GALNT13: variants seen among roughly 807,000 people sequenced by gnomAD.
GALNT13 encodes polypeptide N-acetylgalactosaminyltransferase 13.
GALNT13 carries 28 observed loss-of-function variants against 64.2 expected under a neutral mutation model. The ratio of observed to expected loss-of-function variants is 0.44; its 90% CI spans 0.32 to 0.60. The LOEUF (loss-of-function observed/expected upper bound fraction) is 0.60, where lower values mean the gene tolerates loss of function less well. GALNT13 is among the 20% of genes least tolerant of loss of function. The probability of loss-of-function intolerance (pLI) is 0.05; values close to 1 mark genes in which losing one functional copy is unlikely to be tolerated. For synonymous variants in GALNT13, 214 were observed against 224.6 expected, an observed-to-expected ratio of 0.95 and a Z score of 0.42; for missense variants, 577 against 669.8, an observed-to-expected ratio of 0.86 and a Z score of 1.53.
At chr2:153,375,882 C>G in the GALNT13 span, among the ~76,000 whole-genome samples, 1 of 152,112 alleles carries the variant, frequency 6.6e-6, no homozygotes. Context: ...GTACAAGAAG[C>G]GTGGTGCCAG....
chr2:154,243,618 C>G (rs1394252225), intron 6 of GALNT13, among the ~76,000 whole-genome samples: 1 of 152,160 alleles, frequency 6.6e-6, no homozygotes, highest in Non-Finnish European at 1.5e-5. Flanking sequence ...TACATACCTG[C>G]AATTCCTTCT....
intron 3 of GALNT13, among the ~76,000 whole-genome samples, chr2:153,992,524 A>AAAAATACATG (rs1695229839): frequency 6.6e-6 from 1 of 152,162 alleles, no homozygotes; most frequent in Admixed American, 6.6e-5. Context: ...TAATTCATTG[A>AAAAATACATG]AAAATACATG....
intron 3 of GALNT13, among the ~76,000 whole-genome samples, chr2:154,117,248 C>T (rs2105506954): frequency 6.6e-6 from 1 of 152,210 alleles, no homozygotes; most frequent in East Asian, 1.9e-4. Flanking sequence ...AGCATCAATA[C>T]TTTGCATCCT....
intron 8 of GALNT13, among the ~76,000 whole-genome samples, chr2:154,274,431 A>G (rs1029839382): frequency 7.2e-5 from 11 of 152,112 alleles, no homozygotes; most frequent in African/African-American, 2.4e-4. Context: ...TCCTTGATAT[A>G]GTTTGGCTGT....
At chr2:153,750,322 C>T in the GALNT13 span, among the ~76,000 whole-genome samples, 3 of 151,588 alleles carry the variant, frequency 2.0e-5, no homozygotes, top group South Asian at 2.1e-4. Flanking sequence ...TTTGGTATCA[C>T]GGTAATACTG....
intron 4 of GALNT13, among the ~76,000 whole-genome samples, chr2:154,189,472 C>CA (rs35557058): frequency 0.22 from 18,117 of 80,994 alleles, 1,748 homozygotes; most frequent in Middle Eastern, 0.24. Flanking sequence ...ACGTGCACAC[C>CA]AAAAAAAAAA....
chr2:153,788,286 AT>A, the GALNT13 span, among the ~76,000 whole-genome samples: 1 of 152,208 alleles, frequency 6.6e-6, no homozygotes, highest in South Asian at 2.1e-4. Context: ...GCAGGCCTAT[AT>A]TCAGTATTCT....
chr2:154,016,638 G>A (rs1442247934), intron 3 of GALNT13, among the ~76,000 whole-genome samples: 61 of 151,956 alleles, frequency 4.0e-4, no homozygotes, highest in Admixed American at 3.9e-3. Context: ...GGCTGGTCTT[G>A]AACTCCTGAC....
chr2:153,802,626 A>T, the GALNT13 span, among the ~76,000 whole-genome samples: 2 of 152,242 alleles, frequency 1.3e-5, no homozygotes, highest in African/African-American at 4.8e-5. Flanking sequence ...TGCCAATTTC[A>T]TGAAATATCC....
chr2:153,717,276 T>C, the GALNT13 span, among the ~76,000 whole-genome samples: 1 of 152,230 alleles, frequency 6.6e-6, no homozygotes, highest in Non-Finnish European at 1.5e-5. Context: ...AAAGCGTGTA[T>C]TAGCAAGTTT....
At chr2:153,885,977 T>C (rs1448914018) in intron 1 of GALNT13, among the ~76,000 whole-genome samples, 2 of 151,916 alleles carry the variant, frequency 1.3e-5, no homozygotes, top group Non-Finnish European at 2.9e-5. Flanking sequence ...TAATCATAGT[T>C]AGCTTTCTAT....
chr2:153,844,666 C>A, the GALNT13 span, among the ~76,000 whole-genome samples: 3 of 152,296 alleles, frequency 2.0e-5, no homozygotes, highest in Admixed American at 2.0e-4. Context: ...TTGCACATGG[C>A]TAGGCTGCAA....
chr2:154,189,406 G>C, intron 4 of GALNT13, among the ~76,000 whole-genome samples: 1 of 151,260 alleles, frequency 6.6e-6, no homozygotes, highest in South Asian at 2.1e-4. Context: ...GGTCTGATGG[G>C]GCTAGTGGCC....
At chr2:154,421,248 GA>G (rs1339607518) in intron 11 of GALNT13, among the ~76,000 whole-genome samples, 1 of 151,944 alleles carries the variant, frequency 6.6e-6, no homozygotes, top group Non-Finnish European at 1.5e-5. Flanking sequence ...TTCTGTATAA[GA>G]TTTTTTAAAG....
the GALNT13 span, among the ~76,000 whole-genome samples, chr2:153,405,220 G>A: frequency 6.6e-6 from 1 of 152,172 alleles, no homozygotes; most frequent in Non-Finnish European, 1.5e-5. Context: ...AGACAATAGA[G>A]TTTCTAAATA....
At chr2:153,734,765 T>C in the GALNT13 span, among the ~76,000 whole-genome samples, 5 of 152,250 alleles carry the variant, frequency 3.3e-5, no homozygotes, top group South Asian at 1.0e-3. Context: ...AAGTCAGAAA[T>C]TATATTCTGA....
At chr2:153,301,490 T>A in the GALNT13 span, among the ~76,000 whole-genome samples, 69 of 152,212 alleles carry the variant, frequency 4.5e-4, 1 homozygote, top group Middle Eastern at 3.4e-3. Context: ...GTGAAATGGC[T>A]AATTCAAGCT....
chr2:153,153,440 G>A, the GALNT13 span, among the ~76,000 whole-genome samples: 1 of 151,890 alleles, frequency 6.6e-6, no homozygotes, highest in African/African-American at 2.4e-5. Context: ...ATTGCTTTTG[G>A]CATCCTATTC....
chr2:154,168,103 G>C (rs1273486001), intron 4 of GALNT13, among the ~76,000 whole-genome samples: 2 of 152,170 alleles, frequency 1.3e-5, no homozygotes, highest in Non-Finnish European at 2.9e-5. Flanking sequence ...GGCCCAGGCA[G>C]GGTGTGGTAT....
Sources: allele counts gnomAD v4.1 joint callset (sites outside exome capture counted in the v4.1 genomes callset), GRCh38; gene constraint gnomAD v4.1.1; transcripts MANE v1.5; gene names NCBI Gene and HGNC (gene_info 2026-07-23, HGNC 2026-07-21).